The following WDR27 variants were observed in gnomAD, a reference collection of about 807,000 sequenced individuals.
WDR27 encodes WD repeat domain 27, also known as WD repeat-containing protein 27.
WDR27 carries 100 observed loss-of-function variants against 114.4 expected under a neutral mutation model. The ratio of observed to expected loss-of-function variants is 0.87; its 90% confidence interval spans 0.74 to 1.03. The LOEUF (loss-of-function observed/expected upper bound fraction) is 1.03, where lower values mean the gene tolerates loss of function less well. WDR27 is among the 50% of genes least tolerant of loss of function. WDR27 has a pLI of 0.00. For missense variants in WDR27, 1,129 were observed against 1,092.9 expected (o/e 1.03, Z -0.47); for synonymous variants, 449 against 423.1 (o/e 1.06, Z -0.75).
intron 13 of WDR27, among the ~76,000 whole-genome samples, chr6:169,656,492 C>A (rs533332062): frequency 6.6e-6 from 1 of 151,902 alleles, no homozygotes; most frequent in East Asian, 2.0e-4. Flanking sequence ...ACTGACAGGG[C>A]CAAGAGAGAC....
chr6:169,459,368 T>C (rs916195345), intron 25 of WDR27, among the ~76,000 whole-genome samples: 1 of 150,810 alleles, frequency 6.6e-6, no homozygotes, highest in African/African-American at 2.4e-5. Context: ...GAAGAAAAAA[T>C]AGAAACTATC....
In WDR27 at chr6:169,701,901, C is replaced by A; in HGVS notation, c.-358G>T. 3 of 341,434 alleles carry A rather than the reference C, an allele frequency of 8.8e-6. 1 individual carries two copies. Among genetic ancestry groups the A allele is most frequent in the South Asian group, 6.4e-5 (3 of 47,174 alleles). The allele number at this position is 341,434 out of a possible 1,614,324, so 21.2% of individuals were successfully genotyped here. Reference sequence around the variant, plus strand: ...TTCGGCGCCGACTCCGCGCCGAGACCAGCCCGCTAGGGGAGGACTCACAGC... The same window carrying A: ...TTCGGCGCCGACTCCGCGCCGAGACAAGCCCGCTAGGGGAGGACTCACAGC... On this transcript the variant is annotated 5_prime_UTR_variant, in exon 1 of 26. Coordinates refer to ENST00000448612, the MANE Select transcript of WDR27 (RefSeq NM_182552.5).
intron 1 of WDR27, among the ~76,000 whole-genome samples, chr6:169,691,357 C>CT (rs991987028): frequency 2.6e-5 from 4 of 151,184 alleles, no homozygotes; most frequent in South Asian, 2.1e-4. Flanking sequence ...TTTTATCTCA[C>CT]TTTTTTTTTA....
At chr6:169,685,923 G>A (rs537386010) in intron 2 of WDR27, among the ~76,000 whole-genome samples, 2 of 152,182 alleles carry the variant, frequency 1.3e-5, no homozygotes, top group African/African-American at 4.8e-5. Flanking sequence ...TGTCAAAATC[G>A]AAAGACAAAG....
chr6:169,647,370 C>T (rs535056769), intron 16 of WDR27, among the ~76,000 whole-genome samples: 6 of 152,242 alleles, frequency 3.9e-5, no homozygotes, highest in Non-Finnish European at 8.8e-5. Flanking sequence ...GCCTCCAGCC[C>T]ATCCATGAGC....
intron 16 of WDR27, among the ~76,000 whole-genome samples, chr6:169,646,555 G>A (rs183592721): frequency 1.4e-4 from 21 of 152,182 alleles, no homozygotes; most frequent in African/African-American, 3.9e-4. Context: ...TGAGGCCAGC[G>A]TGGCCAACAT....
At chr6:169,488,918 G>A (rs117621840) in intron 25 of WDR27, among the ~76,000 whole-genome samples, 42 of 151,840 alleles carry the variant, frequency 2.8e-4, no homozygotes, top group Non-Finnish European at 5.6e-4. Flanking sequence ...CAGTGTGGGT[G>A]GGCGTCAAAT....
rs896047626 is a variant in WDR27 at position 169,563,152 on chromosome 6, T to C, written c.2645+9267A>G. On this transcript the variant is annotated intron_variant, in intron 25 of 25. Transcript: ENST00000448612. ...AGAGAAACCCGCACATGGAGAAAGGTTTCCTGCTCAGTCCGCCCTGGACGC... is the reference window on the plus strand; with the variant it reads ...AGAGAAACCCGCACATGGAGAAAGGCTTCCTGCTCAGTCCGCCCTGGACGC... Among the ~76,000 whole-genome samples the C allele has an allele frequency of 5.3e-5, 8 of 151,432 alleles. No homozygotes were observed. In the South Asian group the frequency reaches 1.1e-3, roughly 20 times the overall value.
chr6:169,481,992 C>T (rs1217886232), intron 25 of WDR27, among the ~76,000 whole-genome samples: 1 of 152,206 alleles, frequency 6.6e-6, no homozygotes, highest in African/African-American at 2.4e-5. Context: ...TCTGTTGTTT[C>T]CCTCTATGTG....
intron 25 of WDR27, among the ~76,000 whole-genome samples, chr6:169,470,578 C>T (rs11964116): frequency 0.012 from 1,840 of 152,308 alleles, 36 homozygotes; most frequent in African/African-American, 0.038. Flanking sequence ...AGGACTTGCG[C>T]GGTTGCCTTC....
intron 22 of WDR27, among the ~76,000 whole-genome samples, chr6:169,607,227 C>T (rs968065415): frequency 6.6e-6 from 1 of 152,072 alleles, no homozygotes; most frequent in Admixed American, 6.6e-5. Context: ...TTCAGAAACC[C>T]CACTGCTGGG....
intron 2 of WDR27, among the ~76,000 whole-genome samples, chr6:169,688,385 G>A (rs1409595260): frequency 6.6e-6 from 1 of 152,096 alleles, no homozygotes; most frequent in East Asian, 1.9e-4. Flanking sequence ...GGGCATTGAC[G>A]GAGAAAAGGC....
At chr6:169,571,952 A>G (rs1801497199) in intron 25 of WDR27, among the ~76,000 whole-genome samples, 1 of 152,214 alleles carries the variant, frequency 6.6e-6, no homozygotes, top group African/African-American at 2.4e-5. Context: ...TAACCCAGAT[A>G]TTGGCACTGT....
At chr6:169,505,809 G>A (rs1368743122) in intron 25 of WDR27, among the ~76,000 whole-genome samples, 3 of 152,206 alleles carry the variant, frequency 2.0e-5, no homozygotes, top group Non-Finnish European at 1.5e-5. Flanking sequence ...AAAATGCTGA[G>A]TGCTGGACCC....
intron 22 of WDR27, among the ~76,000 whole-genome samples, chr6:169,610,893 A>G (rs1433712020): frequency 1.3e-5 from 2 of 152,152 alleles, no homozygotes; most frequent in African/African-American, 2.4e-5. Context: ...GAGACTCACA[A>G]GGGGGCAGGT....
chr6:169,426,466 A>G, the WDR27 span: 1 of 152,222 alleles, frequency 6.6e-6, no homozygotes, highest in Non-Finnish European at 1.5e-5. Flanking sequence ...ACCGTCTCAA[A>G]TTTACAGTAA....
intron 17 of WDR27, among the ~76,000 whole-genome samples, chr6:169,641,884 G>A (rs1388121488): frequency 6.6e-6 from 1 of 152,268 alleles, no homozygotes; most frequent in Non-Finnish European, 1.5e-5. Flanking sequence ...CTCAGAAGCC[G>A]CCATCCCGTA....
chr6:169,452,488 C>T (rs1784190103), downstream of WDR27, among the ~76,000 whole-genome samples: 1 of 151,206 alleles, frequency 6.6e-6, no homozygotes, highest in Admixed American at 6.6e-5. Context: ...GACGCAGCCC[C>T]GGACGTGGGG....
intron 24 of WDR27, among the ~76,000 whole-genome samples, chr6:169,578,106 C>T (rs1802745031): frequency 6.6e-6 from 1 of 152,186 alleles, no homozygotes; most frequent in Non-Finnish European, 1.5e-5. Flanking sequence ...TGTCATCGCT[C>T]CGCAGTGCTG....
Sources: allele counts gnomAD v4.1 joint callset (sites outside exome capture counted in the v4.1 genomes callset), GRCh38; gene constraint gnomAD v4.1.1; transcripts MANE v1.5; gene names NCBI Gene and HGNC (gene_info 2026-07-23, HGNC 2026-07-21).